NEO1: variants seen among roughly 807,000 people sequenced by gnomAD.
The protein encoded by NEO1 is neogenin 1.
NEO1 carries 63 observed loss-of-function variants against 159.7 expected under a neutral mutation model. The ratio of observed to expected loss-of-function variants is 0.39; its 90% CI spans 0.32 to 0.49. NEO1 has a LOEUF of 0.49. Ranked by LOEUF, NEO1 falls within the 20% of genes least tolerant of loss-of-function variation. The pLI is 0.85. For missense variants in NEO1, 1,615 were observed against 1,831.0 expected (o/e 0.88, Z 2.15); for synonymous variants, 633 against 662.0 (o/e 0.96, Z 0.67).
chr15:73,275,674 A>C (rs1024636470), intron 21 of NEO1, among the ~76,000 whole-genome samples: 1 of 152,116 alleles, frequency 6.6e-6, no homozygotes, highest in East Asian at 1.9e-4. Context: ...GTAAATAAAT[A>C]ATAATAATAG....
intron 1 of NEO1, among the ~76,000 whole-genome samples, chr15:73,061,889 A>G (rs750778410): frequency 6.6e-6 from 1 of 152,240 alleles, no homozygotes; most frequent in African/African-American, 2.4e-5. Context: ...GTTGATAGCC[A>G]TATGAAATTG....
chr15:73,133,935 T>A (rs2031444571), intron 4 of NEO1, among the ~76,000 whole-genome samples: 1 of 152,176 alleles, frequency 6.6e-6, no homozygotes, highest in Admixed American at 6.5e-5. Flanking sequence ...ATCAACAATA[T>A]TTTTTAGTGT....
At chr15:73,237,283 C>A (rs978623461) in intron 8 of NEO1, among the ~76,000 whole-genome samples, 59 of 152,298 alleles carry the variant, frequency 3.9e-4, no homozygotes, top group African/African-American at 1.4e-3. Context: ...GTATTTGTAT[C>A]CCTAATATTG....
At chr15:73,172,771 T>G (rs1014062963) in intron 5 of NEO1, among the ~76,000 whole-genome samples, 15 of 152,182 alleles carry the variant, frequency 9.9e-5, no homozygotes, top group African/African-American at 3.4e-4. Context: ...GAACAGTTAG[T>G]TTTTGTAGGG....
In NEO1 at chr15:73,304,468, G is replaced by A. The variant is rs1298074188; in HGVS notation, c.*1772G>A. 6.6e-6 allele frequency: 1 copy of A among 152,178 alleles called. No homozygotes were observed. Among genetic ancestry groups the A allele is most frequent in the African/African-American group, 2.4e-5 (1 of 41,428 alleles). 9.4% of individuals were successfully genotyped at this position (152,178 alleles called of 1,614,324 possible). Reference sequence around the variant, plus strand: ...CCCAGGCCACCTGCCTTTGAACTTGGGGATTTGCCATGTTTGATCTTGTCA... The same window carrying A: ...CCCAGGCCACCTGCCTTTGAACTTGAGGATTTGCCATGTTTGATCTTGTCA... On this transcript the variant is annotated 3_prime_UTR_variant, in exon 29 of 29. Transcript: ENST00000261908.
intron 1 of NEO1, among the ~76,000 whole-genome samples, chr15:73,109,830 C>G (rs2070878221): frequency 6.6e-6 from 1 of 151,972 alleles, no homozygotes; most frequent in Non-Finnish European, 1.5e-5. Flanking sequence ...CAATTAATTG[C>G]ATGTTTTCCC....
intron 7 of NEO1, among the ~76,000 whole-genome samples, chr15:73,200,818 G>T (rs2036839427): frequency 6.6e-6 from 1 of 151,712 alleles, no homozygotes; most frequent in Non-Finnish European, 1.5e-5. Flanking sequence ...CAAGTAGCTG[G>T]GTCCACAGGT....
chr15:73,245,169 G>A (rs1423108500), intron 9 of NEO1, among the ~76,000 whole-genome samples: 1 of 151,920 alleles, frequency 6.6e-6, no homozygotes, highest in East Asian at 1.9e-4. Flanking sequence ...AACTTACCTT[G>A]CTGATTTTGT....
intron 18 of NEO1, 100 bp from the exon 19 acceptor site, chr15:73,272,355 C>A: frequency 1.3e-6 from 1 of 742,520 alleles, no homozygotes; most frequent in South Asian, 2.0e-5. Context: ...ATCTTTTTTG[C>A]CTTGTGCCCT....
intron 7 of NEO1, among the ~76,000 whole-genome samples, chr15:73,211,632 T>C (rs192638139): frequency 6.6e-6 from 1 of 152,278 alleles, no homozygotes; most frequent in Non-Finnish European, 1.5e-5. Flanking sequence ...GGAGAATCAC[T>C]TGAACCAGGG....
At chr15:73,272,346 T>G in intron 18 of NEO1, 109 bp from the exon 19 acceptor site, 1 of 689,026 alleles carries the variant, frequency 1.5e-6, no homozygotes, top group Non-Finnish European at 2.4e-6. Flanking sequence ...AGAAGCTTTA[T>G]CTTTTTTGCC....
intron 19 of NEO1, 141 bp downstream of exon 19, chr15:73,272,703 G>C: frequency 1.5e-6 from 1 of 650,224 alleles, no homozygotes; most frequent in Non-Finnish European, 2.7e-6. Flanking sequence ...AGTCATGATG[G>C]TCCTTGAAAT....
intron 1 of NEO1, among the ~76,000 whole-genome samples, chr15:73,114,234 C>T (rs1472844791): frequency 2.0e-5 from 3 of 151,844 alleles, no homozygotes; most frequent in South Asian, 2.1e-4. Flanking sequence ...GAGGCGGGAG[C>T]GGTGGGGAAC....
intron 20 of NEO1, 35 bp downstream of exon 20, chr15:73,274,040 T>A (rs1477958280): frequency 6.3e-7 from 1 of 1,591,752 alleles, no homozygotes; most frequent in Non-Finnish European, 8.6e-7. Context: ...TTGTTGTGTG[T>A]CTCTTTAGTG....
At chr15:73,183,315 C>T (rs1320749940) in intron 7 of NEO1, among the ~76,000 whole-genome samples, 1 of 152,106 alleles carries the variant, frequency 6.6e-6, no homozygotes, top group Non-Finnish European at 1.5e-5. Flanking sequence ...GGGCAGAAAA[C>T]CTTCTGATTT....
chr15:73,276,772 C>G (rs921983571), intron 21 of NEO1, among the ~76,000 whole-genome samples: 1 of 152,146 alleles, frequency 6.6e-6, no homozygotes, highest in Non-Finnish European at 1.5e-5. Flanking sequence ...TATGGAAGTA[C>G]TTGACATTAG....
chr15:73,277,113 A>C (rs1469687463), intron 21 of NEO1, among the ~76,000 whole-genome samples: 2 of 152,240 alleles, frequency 1.3e-5, no homozygotes, highest in African/African-American at 4.8e-5. Context: ...ACTTGCCCAA[A>C]GTCAAACAGT....
chr15:73,072,259 ATT>A (rs11285327), intron 1 of NEO1, among the ~76,000 whole-genome samples: 3 of 150,030 alleles, frequency 2.0e-5, no homozygotes, highest in African/African-American at 2.4e-5. Context: ...CCAGCTTTTA[ATT>A]TTTTTTTTTT....
At chr15:73,169,787 G>T (rs1410479009) in intron 5 of NEO1, among the ~76,000 whole-genome samples, 1 of 151,464 alleles carries the variant, frequency 6.6e-6, no homozygotes, top group Non-Finnish European at 1.5e-5. Flanking sequence ...TACCTTAGTA[G>T]TTAAGAGTAT....
Sources: gnomAD v4.1 joint callset for allele counts (sites outside exome capture counted in the v4.1 genomes callset) on GRCh38, gnomAD v4.1.1 for gene constraint, MANE v1.5 for transcripts, NCBI Gene and HGNC (gene_info 2026-07-23, HGNC 2026-07-21) for gene names.